XKR9: variants seen among roughly 807,000 people sequenced by gnomAD.
XKR9 encodes XK-related protein 9.
XKR9 carries 32 observed loss-of-function variants against 32.0 expected under a neutral mutation model. The ratio of observed to expected loss-of-function variants is 1.00; its 90% CI spans 0.76 to 1.34. XKR9 has a LOEUF of 1.34. Among genes scored for constraint, XKR9 ranks in the 40% most tolerant of loss-of-function variants. The pLI is 0.00. For synonymous variants in XKR9, 168 were observed against 143.4 expected, an observed-to-expected ratio of 1.17 and a Z score of -1.22; for missense variants, 546 against 429.7, an observed-to-expected ratio of 1.27 and a Z score of -2.39.
the XKR9 span, among the ~76,000 whole-genome samples, chr8:71,003,292 G>T: frequency 7.3e-6 from 1 of 137,394 alleles, no homozygotes; most frequent in African/African-American, 2.4e-5. Context: ...GCAAATACTT[G>T]CAAATGAGTG....
the XKR9 span, among the ~76,000 whole-genome samples, chr8:70,815,347 T>C: frequency 1.3e-5 from 2 of 151,974 alleles, no homozygotes; most frequent in African/African-American, 4.8e-5. Flanking sequence ...AATAGGCCTC[T>C]GTGTGTGTTA....
the XKR9 span, among the ~76,000 whole-genome samples, chr8:70,983,782 AAAAT>A: frequency 7.0e-4 from 105 of 150,194 alleles, no homozygotes; most frequent in African/African-American, 1.5e-3. Context: ...ACTTCATCTC[AAAAT>A]AAATAAATAA....
At chr8:70,701,614 A>T (rs952599402) in intron 3 of XKR9, among the ~76,000 whole-genome samples, 5 of 152,200 alleles carry the variant, frequency 3.3e-5, no homozygotes, top group East Asian at 1.9e-4. Flanking sequence ...AACAGTTCAT[A>T]AAAATGGGCC....
intron 2 of XKR9, among the ~76,000 whole-genome samples, chr8:70,788,836 C>G (rs182349952): frequency 4.1e-4 from 62 of 152,096 alleles, no homozygotes; most frequent in African/African-American, 1.5e-3. Context: ...TCTGCAAGTG[C>G]GTTGGAAGGC....
the XKR9 span, among the ~76,000 whole-genome samples, chr8:70,806,281 G>A: frequency 2.6e-5 from 4 of 152,188 alleles, no homozygotes; most frequent in Admixed American, 2.0e-4. Flanking sequence ...GCCTCAAATC[G>A]AAACTACACA....
At chr8:70,801,501 A>G in the XKR9 span, among the ~76,000 whole-genome samples, 14 of 151,582 alleles carry the variant, frequency 9.2e-5, no homozygotes, top group African/African-American at 3.4e-4. Flanking sequence ...ATTATTTTCT[A>G]TTTTCATTGT....
At chr8:71,000,311 A>G in the XKR9 span, among the ~76,000 whole-genome samples, 1 of 152,198 alleles carries the variant, frequency 6.6e-6, no homozygotes, top group African/African-American at 2.4e-5. Flanking sequence ...CAAGACATTA[A>G]TAGTCTTCAA....
the XKR9 span, among the ~76,000 whole-genome samples, chr8:70,822,504 A>G: frequency 1.3e-5 from 2 of 151,592 alleles, no homozygotes; most frequent in Non-Finnish European, 2.9e-5. Context: ...CTCTACTTAT[A>G]TTTACCTCAA....
chr8:70,988,052 C>T, the XKR9 span, among the ~76,000 whole-genome samples: 2 of 152,268 alleles, frequency 1.3e-5, no homozygotes, highest in East Asian at 3.9e-4. Context: ...CTAGGCTGCG[C>T]ACAGCTTGAG....
chr8:70,776,541 A>G (rs762233013), intron 2 of XKR9, among the ~76,000 whole-genome samples: 22 of 152,016 alleles, frequency 1.4e-4, no homozygotes, highest in Non-Finnish European at 2.6e-4. Context: ...TGGGGTTTCT[A>G]TAAGACTCTG....
At chr8:70,869,537 G>A in the XKR9 span, among the ~76,000 whole-genome samples, 2 of 152,114 alleles carry the variant, frequency 1.3e-5, no homozygotes, top group African/African-American at 4.8e-5. Context: ...ACCTCCCACT[G>A]GGTCCATCCC....
chr8:70,726,450 T>C (rs890789644), intron 4 of XKR9, among the ~76,000 whole-genome samples: 2 of 152,228 alleles, frequency 1.3e-5, no homozygotes, highest in Non-Finnish European at 2.9e-5. Context: ...AAAATTACAG[T>C]TGAGCAAACT....
the XKR9 span, among the ~76,000 whole-genome samples, chr8:70,971,365 C>T: frequency 6.6e-6 from 1 of 151,608 alleles, no homozygotes; most frequent in Non-Finnish European, 1.5e-5. Flanking sequence ...GGTATTAGTC[C>T]TTTGTTGGAT....
chr8:70,750,877 G>T (rs190299023), intron 2 of XKR9, among the ~76,000 whole-genome samples: 2 of 152,274 alleles, frequency 1.3e-5, no homozygotes, highest in South Asian at 2.1e-4. Flanking sequence ...TGTTGTACTG[G>T]ATATTTCTGT....
chr8:71,013,895 G>A, the XKR9 span, among the ~76,000 whole-genome samples: 1 of 152,082 alleles, frequency 6.6e-6, no homozygotes, highest in East Asian at 1.9e-4. Flanking sequence ...GGAGTGTGCT[G>A]CCTCATGTGT....
At chr8:70,691,410 G>A (rs1245630174) in intron 3 of XKR9, among the ~76,000 whole-genome samples, 1 of 152,130 alleles carries the variant, frequency 6.6e-6, no homozygotes, top group African/African-American at 2.4e-5. Context: ...AAGCTTTTAA[G>A]TTTAGTTAGA....
At position 70,707,000 on chromosome 8, in the gene XKR9, G is replaced by C; in HGVS notation, c.340G>C (p.Val114Leu). The C allele has an allele frequency of 6.2e-7, 1 of 1,613,234 alleles. No homozygotes were observed. The highest frequency in any genetic ancestry group is 8.5e-7 in the Non-Finnish European group (1 of 1,179,410). Residue 114 changes from valine to leucine, a missense_variant, in exon 4 of 5, where the codon GTG becomes CTG. Coordinates refer to ENST00000408926, the MANE Select transcript of XKR9 (RefSeq NM_001011720.2). ...ATATGACAGCAATACTAGTAACTTC[G>C]TGGAAGAACAAATTGATCTACATAA... ...FKYDSNTSNF[V>L]EEQIDLHKEV...
chr8:70,872,346 A>G, the XKR9 span, among the ~76,000 whole-genome samples: 1 of 152,216 alleles, frequency 6.6e-6, no homozygotes, highest in Non-Finnish European at 1.5e-5. Context: ...GAGAGCTAAT[A>G]AAGCTGCAGA....
chr8:70,816,469 C>T, the XKR9 span, among the ~76,000 whole-genome samples: 2 of 152,192 alleles, frequency 1.3e-5, no homozygotes, highest in Middle Eastern at 3.4e-3. Context: ...TTCTCAATAA[C>T]AAAGATACAG....
Sources: gnomAD v4.1 joint callset for allele counts (sites outside exome capture counted in the v4.1 genomes callset) on GRCh38, gnomAD v4.1.1 for gene constraint, MANE v1.5 for transcripts, NCBI Gene and HGNC (gene_info 2026-07-23, HGNC 2026-07-21) for gene names.